The following NFIC variants were observed in gnomAD, a reference collection of about 807,000 sequenced individuals.
The protein encoded by NFIC is nuclear factor 1 C-type.
A neutral mutation model predicts 54.4 loss-of-function variants in NFIC; 12 were observed. The ratio of observed to expected loss-of-function variants is 0.22; its 90% CI spans 0.14 to 0.36. NFIC has a LOEUF of 0.36. NFIC is among the 10% of genes least tolerant of loss of function. NFIC has a pLI of 1.00. For synonymous variants in NFIC, 322 were observed against 319.2 expected, an observed-to-expected ratio of 1.01 and a Z score of -0.09; for missense variants, 575 against 718.2, an observed-to-expected ratio of 0.80 and a Z score of 2.28.
intron 2 of NFIC, among the ~76,000 whole-genome samples, chr19:3,393,816 C>CAAA (rs35101011): frequency 1.2e-3 from 67 of 55,380 alleles, no homozygotes; most frequent in East Asian, 3.3e-3. Context: ...GACTCTGTCT[C>CAAA]AAAAAAAAAA....
At position 3,458,338 on chromosome 19, in the gene NFIC, G is replaced by T. The variant is rs12610084; in HGVS notation, c.1509+1703G>T. 6.6e-6 allele frequency among the ~76,000 whole-genome samples: 1 copy of T among 152,032 alleles called. No homozygotes were observed. Among genetic ancestry groups the T allele is most frequent in the African/African-American group, 2.4e-5 (1 of 41,418 alleles). On this transcript the variant is annotated intron_variant, in intron 10 of 10. Coordinates refer to ENST00000443272, the MANE Select transcript of NFIC (RefSeq NM_001245002.2). This position sits in a 1 kb window ranked among gnomAD's most constrained non-coding sequence, Gnocchi z 4.1. ...CCTGCCCCTGCGGGAGGCTGGGAACGTCTTAAGTGGTTCAGAAACCAAAGC... is the reference window on the plus strand; with the variant it reads ...CCTGCCCCTGCGGGAGGCTGGGAACTTCTTAAGTGGTTCAGAAACCAAAGC...
intron 2 of NFIC, among the ~76,000 whole-genome samples, chr19:3,405,189 A>C (rs777763498): frequency 5.3e-5 from 8 of 152,234 alleles, no homozygotes; most frequent in Non-Finnish European, 7.3e-5. Context: ...GGCCAGACTT[A>C]AGGAACGCAG....
intron 6 of NFIC, among the ~76,000 whole-genome samples, chr19:3,445,270 C>T (rs528866073): frequency 3.3e-5 from 5 of 152,348 alleles, no homozygotes; most frequent in East Asian, 3.9e-4. Flanking sequence ...CTGGCCTCCC[C>T]GGCTCCAGGC....
intron 2 of NFIC, among the ~76,000 whole-genome samples, chr19:3,408,065 G>T (rs1462136891): frequency 1.3e-5 from 2 of 152,150 alleles, no homozygotes; most frequent in African/African-American, 2.4e-5. Context: ...GCTGGCTGAG[G>T]TTGGGAGGCG....
At chr19:3,445,104 TACAC>T (rs909470276) in intron 6 of NFIC, among the ~76,000 whole-genome samples, 9 of 151,494 alleles carry the variant, frequency 5.9e-5, no homozygotes, top group African/African-American at 2.2e-4. Context: ...CTCACATGCG[TACAC>T]ACACATGCAC....
chr19:3,413,637 C>G (rs189140978), intron 2 of NFIC, among the ~76,000 whole-genome samples: 1 of 151,962 alleles, frequency 6.6e-6, no homozygotes, highest in Non-Finnish European at 1.5e-5. Context: ...TTACTCACTG[C>G]GCATTAATTT....
chr19:3,432,739 ATC>A (rs2082140566), intron 3 of NFIC, among the ~76,000 whole-genome samples: 1 of 149,762 alleles, frequency 6.7e-6, no homozygotes, highest in African/African-American at 2.5e-5. Context: ...CAGTGGCGCA[ATC>A]TCGGCTCACT....
In NFIC at chr19:3,417,774, C is replaced by T. The variant is rs552298419; in HGVS notation, c.563-7332C>T. Among the ~76,000 whole-genome samples the T allele has an allele frequency of 1.5e-3, 217 of 148,650 alleles. 1 individual carries two copies. Among genetic ancestry groups the T allele is most frequent in the African/African-American group, 4.7e-3 (189 of 40,522 alleles). ...CCGAGTAGCTGGGACTACAGGCGCC[C>T]GTCACCACGCCCGGCTAATTTTTTT... On this transcript the variant is annotated intron_variant, in intron 2 of 10. Coordinates refer to ENST00000443272, the MANE Select transcript of NFIC (RefSeq NM_001245002.2).
Position 3,453,597 on chromosome 19 carries a change from C to G in NFIC, c.1270-166C>G, listed in dbSNP as rs1268285875. Reference sequence around the variant, plus strand: ...CGGGTGTCCCCAGGCCCCTCCACCTCCGGCCGTCCTCAGACCCACCAAACC... The same window carrying G: ...CGGGTGTCCCCAGGCCCCTCCACCTGCGGCCGTCCTCAGACCCACCAAACC... On this transcript the variant is annotated intron_variant, in intron 8 of 10. Transcript: ENST00000443272. The surrounding 1 kb of genome is among the most constrained non-coding windows in gnomAD (Gnocchi z 6.7). Among the ~76,000 whole-genome samples the G allele has an allele frequency of 4.6e-5, 7 of 152,122 alleles. No homozygotes were observed. The highest frequency in any genetic ancestry group is 4.6e-4 in the Admixed American group (7 of 15,270).
chr19:3,382,571 C>A (rs1177442378), intron 2 of NFIC, among the ~76,000 whole-genome samples: 1 of 145,092 alleles, frequency 6.9e-6, no homozygotes, highest in East Asian at 2.1e-4. Flanking sequence ...CCAGGCAGGG[C>A]AGCAGGCCTG....
chr19:3,463,075 C>T lies in NFIC; in HGVS notation c.*306C>T, dbSNP rs2082664921. On this transcript the variant is annotated 3_prime_UTR_variant, in exon 11 of 11. Transcript: ENST00000443272. ...AGGACTGGAGGGCCAGGCCCCGCCACCCCCACGGGAGACCCGGGACAGGGC... is the reference window on the plus strand; with the variant it reads ...AGGACTGGAGGGCCAGGCCCCGCCATCCCCACGGGAGACCCGGGACAGGGC... 1 of 1,310,234 alleles carries T rather than the reference C, an allele frequency of 7.6e-7. No homozygotes were observed. 81.2% of individuals were successfully genotyped at this position (1,310,234 alleles called of 1,614,324 possible). A position where few individuals can be genotyped will look rare whatever the true frequency, so the allele number is the denominator to read the frequency against.
At chr19:3,405,090 AAAG>A (rs1881760041) in intron 2 of NFIC, among the ~76,000 whole-genome samples, 1 of 152,240 alleles carries the variant, frequency 6.6e-6, no homozygotes, top group South Asian at 2.1e-4. Flanking sequence ...TGGAAAGAAA[AAAG>A]AAACTTTTCT....
At chr19:3,411,949 G>A (rs12982194) in intron 2 of NFIC, among the ~76,000 whole-genome samples, 27,239 of 152,236 alleles carry the variant, frequency 0.18, 3,284 homozygotes, top group East Asian at 0.47. Context: ...TCTTTGCACT[G>A]GACTGAGCTC....
At chr19:3,440,096 C>T (rs916990615) in intron 6 of NFIC, among the ~76,000 whole-genome samples, 14 of 152,104 alleles carry the variant, frequency 9.2e-5, no homozygotes, top group African/African-American at 3.4e-4. Flanking sequence ...TAAGCTACAA[C>T]CGGGATGATT....
chr19:3,386,413 C>A (rs541908562), intron 2 of NFIC, among the ~76,000 whole-genome samples: 44 of 147,548 alleles, frequency 3.0e-4, no homozygotes, highest in Non-Finnish European at 5.5e-4. Context: ...ACCTCTACTT[C>A]CTGGGTTCAA....
rs529641562 is a variant in NFIC at position 3,435,815 on chromosome 19, CTTT to C, written c.958+609_958+611del. On this transcript the variant is annotated intron_variant, in intron 6 of 10. Coordinates refer to ENST00000443272, the MANE Select transcript of NFIC (RefSeq NM_001245002.2). ...GAAGGGTCCTCTCTGGGGTGTCTTT[CTTT>C]CTTTCTTTCTTTCTTTCTTTTTTTT... Among the ~76,000 whole-genome samples, 745 of 127,292 alleles carry C rather than the reference CTTT, an allele frequency of 5.9e-3. 8 individuals are homozygous for C. The highest frequency in any genetic ancestry group is 0.021 in the African/African-American group (710 of 34,630). The allele number at this position is 127,292 out of a possible 152,430, so 83.5% of individuals were successfully genotyped here. A position where few individuals can be genotyped will look rare whatever the true frequency, so the allele number is the denominator to read the frequency against.
chr19:3,418,655 C>T (rs142085191), intron 2 of NFIC, among the ~76,000 whole-genome samples: 7 of 152,168 alleles, frequency 4.6e-5, no homozygotes, highest in East Asian at 3.9e-4. Context: ...AATTCAAGAC[C>T]GGCCTGGCTA....
chr19:3,459,455 G>A lies in NFIC; in HGVS notation c.1509+2820G>A, dbSNP rs1052452547. ...ACCCACGTAAGCAGCTGGGTAAACCGAGGGTGGGGGGCAAGGCGGGCATTG... is the reference window on the plus strand; with the variant it reads ...ACCCACGTAAGCAGCTGGGTAAACCAAGGGTGGGGGGCAAGGCGGGCATTG... On this transcript the variant is annotated intron_variant, in intron 10 of 10. Transcript: ENST00000443272. This position sits in a 1 kb window ranked among gnomAD's most constrained non-coding sequence, Gnocchi z 4.2. 6.7e-6 allele frequency among the ~76,000 whole-genome samples: 1 copy of A among 150,244 alleles called. No homozygotes were observed. The highest frequency in any genetic ancestry group is 1.5e-5 in the Non-Finnish European group (1 of 68,030).
Position 3,382,011 on chromosome 19 carries a change from C to G in NFIC, c.330C>G (p.Asp110Glu). Residue 110 changes from aspartate (D) to glutamate (E), a missense_variant, in exon 2 of 11, where the codon GAC becomes GAG. Physicochemically the swap from Asp to Glu is conservative, Grantham distance 45 (BLOSUM62 2). Around this residue, in one of 3 missense-constraint regions of NFIC, gnomAD observed 122 missense variants for 158.0 expected, o/e 0.77. Coordinates refer to ENST00000443272, the MANE Select transcript of NFIC (RefSeq NM_001245002.2). ...KAPGCVLSNP[D>E]QKGKMRRIDC... ...CGGGCTGCGTGCTCTCCAACCCCGA[C>G]CAGAAGGGCAAGATGCGGCGCATCG... 6.2e-7 allele frequency: 1 copy of G among 1,613,582 alleles called. No homozygotes were observed. The highest frequency in any genetic ancestry group is 8.5e-7 in the Non-Finnish European group (1 of 1,179,928).
Sources: allele counts gnomAD v4.1 joint callset (sites outside exome capture counted in the v4.1 genomes callset), GRCh38; gene constraint gnomAD v4.1.1; regional missense constraint gnomAD v4.1.1; non-coding constraint Gnocchi (gnomAD v3.1); transcripts MANE v1.5; gene names NCBI Gene and HGNC (gene_info 2026-07-23, HGNC 2026-07-21).